Variants in PTPRC observed in about 807,000 individuals in gnomAD.
The protein encoded by PTPRC is receptor-type tyrosine-protein phosphatase C.
In PTPRC, 44 loss-of-function variants were observed where a neutral mutation model predicts 155.9. The observed-to-expected ratio is 0.28, with a 90% CI of 0.22 to 0.36. The LOEUF (loss-of-function observed/expected upper bound fraction) is 0.36, where lower values mean the gene tolerates loss of function less well. Ranked by LOEUF, PTPRC falls within the 10% of genes least tolerant of loss-of-function variation. PTPRC has a pLI of 1.00. For missense variants in PTPRC, 1,401 were observed against 1,564.6 expected, an observed-to-expected ratio of 0.90 and a Z score of 1.76; for synonymous variants, 525 against 533.1, an observed-to-expected ratio of 0.98 and a Z score of 0.21.
intron 2 of PTPRC, among the ~76,000 whole-genome samples, chr1:198,684,106 C>T (rs552578405): frequency 7.9e-5 from 12 of 151,070 alleles, no homozygotes; most frequent in East Asian, 1.9e-4. Context: ...GCACAGGAAG[C>T]GATAAAATTT....
At chr1:198,686,597 C>T (rs1266253854) in intron 2 of PTPRC, among the ~76,000 whole-genome samples, 1 of 151,840 alleles carries the variant, frequency 6.6e-6, no homozygotes, top group Non-Finnish European at 1.5e-5. Flanking sequence ...ACACATGTGC[C>T]CTCTTAATTT....
Position 198,749,414 on chromosome 1 carries a change from A to AGAT in PTPRC, c.2940_2942dup, listed in dbSNP as rs1427170945. The AGAT allele has an allele frequency of 5.6e-6, 9 of 1,607,822 alleles. No individual in the cohort carries two copies. The highest frequency in any genetic ancestry group is 7.7e-6 in the Non-Finnish European group (9 of 1,175,412). ...GACTTACTACTGATTTATTTCACAT[A>AGAT]GATGACTATAACAGAGTGCCACTTA... On this transcript the variant is annotated splice_acceptor_variant, in intron 27 of 32. Transcript: ENST00000442510. LOFTEE classifies it high-confidence loss of function.
In PTPRC at chr1:198,757,182, A is replaced by C. The variant is rs959294106; in HGVS notation, c.*1001A>C. On this transcript the variant is annotated 3_prime_UTR_variant, in exon 33 of 33. Coordinates refer to ENST00000442510, the MANE Select transcript of PTPRC (RefSeq NM_002838.5). ...TAAATCCCATTCATAACTTTCATTAAAGCATTTACTTTGAATTTCTCCAAT... is the reference window on the plus strand; with the variant it reads ...TAAATCCCATTCATAACTTTCATTACAGCATTTACTTTGAATTTCTCCAAT... 3 of 151,842 alleles carry C rather than the reference A, an allele frequency of 2.0e-5. No homozygotes were observed. Among genetic ancestry groups the C allele is most frequent in the Non-Finnish European group, 4.4e-5 (3 of 67,804 alleles). The allele number at this position is 151,842 out of a possible 1,614,324, so 9.4% of individuals were successfully genotyped here. A position where few individuals can be genotyped will look rare whatever the true frequency, so the allele number is the denominator to read the frequency against.
intron 25 of PTPRC, 149 bp downstream of exon 25, chr1:198,742,516 C>T: frequency 1.0e-6 from 1 of 991,330 alleles, no homozygotes; most frequent in Non-Finnish European, 1.5e-6. Context: ...GTGGTAATCA[C>T]CAGAAATACT....
In PTPRC at chr1:198,648,316, CT is replaced by C. The variant is rs1392192150; in HGVS notation, c.73+8983del. ...TACACAGCACACAAACAAATTCTTA[CT>C]TTTTTTTGGTAGTCTTTCTAATTTT... On this transcript the variant is annotated intron_variant, in intron 2 of 32. Transcript: ENST00000442510. Among the ~76,000 whole-genome samples the C allele has an allele frequency of 5.3e-5, 8 of 151,562 alleles. No homozygotes were observed. The Admixed American group carries it at 5.3e-4, about 10-fold the overall frequency.
rs111860600 is a variant in PTPRC, at chr1:198,704,243, G to T, written c.659-229G>T. On this transcript the variant is annotated intron_variant, in intron 7 of 32. Coordinates refer to ENST00000442510, the MANE Select transcript of PTPRC (RefSeq NM_002838.5). The stretch of plus-strand genomic sequence containing the variant: ...CCTAAAAGTCTTAATATTGTTAATT[G>T]TATTTATTGGGTATATTTATGAAAA... Among the ~76,000 whole-genome samples, 1,331 of 152,186 alleles carry T rather than the reference G, an allele frequency of 8.7e-3. 17 individuals carry two copies. Among genetic ancestry groups the T allele is most frequent in the African/African-American group, 0.03 (1,262 of 41,512 alleles).
chr1:198,753,756 CT>C (rs1309502907), intron 31 of PTPRC, among the ~76,000 whole-genome samples: 4 of 152,074 alleles, frequency 2.6e-5, no homozygotes, highest in African/African-American at 7.2e-5. Flanking sequence ...TGATTGCCCT[CT>C]TTTTAGTGAA....
At position 198,709,666 on chromosome 1, in the gene PTPRC, C is replaced by T. The variant is rs72738045; in HGVS notation, c.1034-21C>T. On this transcript the variant is annotated intron_variant, in intron 10 of 32. Coordinates refer to ENST00000442510, the MANE Select transcript of PTPRC (RefSeq NM_002838.5). ...GAAATATTGCATCGATATATTCATTCGAAATATTTCTTTATTTCAGGTAAT... is the reference window on the plus strand; with the variant it reads ...GAAATATTGCATCGATATATTCATTTGAAATATTTCTTTATTTCAGGTAAT... 25,533 of 1,510,584 alleles carry T rather than the reference C, an allele frequency of 0.017. 317 individuals are homozygous for T. Among genetic ancestry groups the T allele is most frequent in the Non-Finnish European group, 0.016 (17,871 of 1,103,052 alleles). The allele number at this position is 1,510,584 out of a possible 1,614,324, so 93.6% of individuals were successfully genotyped here.
chr1:198,719,326 C>A (rs1429303529), intron 14 of PTPRC, among the ~76,000 whole-genome samples: 1 of 151,680 alleles, frequency 6.6e-6, no homozygotes, highest in African/African-American at 2.4e-5. Context: ...TTGTGTTATT[C>A]TTTGCCTCTT....
intron 29 of PTPRC, among the ~76,000 whole-genome samples, chr1:198,751,721 T>C (rs942748390): frequency 6.6e-6 from 1 of 152,038 alleles, no homozygotes; most frequent in Non-Finnish European, 1.5e-5. Context: ...CTTTTGTGGT[T>C]CATCTACTCT....
At chr1:198,755,476 T>C (rs543026507) in intron 32 of PTPRC, among the ~76,000 whole-genome samples, 5 of 152,002 alleles carry the variant, frequency 3.3e-5, no homozygotes, top group African/African-American at 1.2e-4. Context: ...ATCAATGTAG[T>C]GAGTAAAATG....
chr1:198,662,172 A>G (rs1664005356), intron 2 of PTPRC, among the ~76,000 whole-genome samples: 1 of 152,218 alleles, frequency 6.6e-6, no homozygotes. Context: ...TAATAGTAAT[A>G]TCAATAAAAA....
chr1:198,702,342 C>T (rs142788059), intron 5 of PTPRC, 45 bp from the exon 6 acceptor site: 28 of 1,613,432 alleles, frequency 1.7e-5, no homozygotes, highest in Non-Finnish European at 1.8e-5. Flanking sequence ...ATTGCCCTTG[C>T]GTGACAGACA....
At chr1:198,741,766 G>A in intron 23 of PTPRC, 103 bp from the exon 24 acceptor site, 1 of 1,168,284 alleles carries the variant, frequency 8.6e-7, no homozygotes, top group Non-Finnish European at 1.2e-6. Context: ...AGTAGTTTAT[G>A]TTTACACGAG....
Position 198,706,924 on chromosome 1 carries a change from T to C in PTPRC, c.876T>C (p.Asp292=), listed in dbSNP as rs1653007816. 6.2e-7 allele frequency: 1 copy of C among 1,609,386 alleles called. No homozygotes were observed. The highest frequency in any genetic ancestry group is 1.3e-5 in the African/African-American group (1 of 74,816). Residue 292 remains aspartate (D), a synonymous_variant, in exon 9 of 33, where the codon GAT becomes GAC. Transcript: ENST00000442510. Reference sequence around the variant, plus strand: ...CTCATAATTCATGTACTGCTCCTGATAAGACATTAATATTAGATGTGCCAC... The same window carrying C: ...CTCATAATTCATGTACTGCTCCTGACAAGACATTAATATTAGATGTGCCAC... ...SISHNSCTAP[D]KTLILDVPPG... is the part of the protein sequence containing the mutation.
At chr1:198,710,446 T>A (rs558489621) in intron 11 of PTPRC, among the ~76,000 whole-genome samples, 1 of 152,230 alleles carries the variant, frequency 6.6e-6, no homozygotes, top group Admixed American at 6.5e-5. Context: ...AATTTTAGGA[T>A]CAACTTTTCA....
At chr1:198,693,889 T>G in intron 3 of PTPRC, 1 of 1,154,320 alleles carries the variant, frequency 8.7e-7, no homozygotes, top group Non-Finnish European at 1.1e-6. Flanking sequence ...GGAATGCTAC[T>G]CATCAAAATA....
At chr1:198,701,219 T>A (rs1229754136) in intron 5 of PTPRC, among the ~76,000 whole-genome samples, 1 of 152,234 alleles carries the variant, frequency 6.6e-6, no homozygotes, top group Non-Finnish European at 1.5e-5. Context: ...TGAGAACCCA[T>A]GCTCAATTAT....
At chr1:198,682,062 CGAAGA>C (rs2102334166) in intron 2 of PTPRC, among the ~76,000 whole-genome samples, 1 of 152,278 alleles carries the variant, frequency 6.6e-6, no homozygotes, top group East Asian at 1.9e-4. Context: ...AGAAGTACAC[CGAAGA>C]GAAGAAACCA....
Sources: allele counts gnomAD v4.1 joint callset (sites outside exome capture counted in the v4.1 genomes callset), GRCh38; gene constraint gnomAD v4.1.1; transcripts MANE v1.5; gene names NCBI Gene and HGNC (gene_info 2026-07-23, HGNC 2026-07-21).